The following PTCH1 variants were observed in gnomAD, a reference collection of about 807,000 sequenced individuals.
The protein encoded by PTCH1 is protein patched homolog 1.
Under a neutral mutation model 144.6 loss-of-function variants are expected in PTCH1, and 14 were observed. The observed-to-expected ratio is 0.10, with a 90% CI of 0.06 to 0.15. The LOEUF is 0.15. PTCH1 is among the 10% of genes least tolerant of loss of function. The pLI, the probability that PTCH1 is intolerant of heterozygous loss-of-function variation, is 1.00. For synonymous variants in PTCH1, 833 were observed against 793.6 expected (o/e 1.05, Z -0.83); for missense variants, 1,623 against 1,948.3 (o/e 0.83, Z 3.14).
chr9:95,459,565 T>TA, intron 17 of PTCH1, 35 bp downstream of exon 17: 1 of 1,611,686 alleles, frequency 6.2e-7, no homozygotes, highest in Non-Finnish European at 8.5e-7. Flanking sequence ...GGCACCTCTG[T>TA]AAGTTCCCAG....
At chr9:95,495,976 G>T (rs562447465) in intron 2 of PTCH1, among the ~76,000 whole-genome samples, 1 of 152,194 alleles carries the variant, frequency 6.6e-6, no homozygotes, top group East Asian at 1.9e-4. Flanking sequence ...AGTCCCTCTT[G>T]CACAGAACTG....
chr9:95,473,411 C>A (rs1049972159), intron 12 of PTCH1, among the ~76,000 whole-genome samples: 1 of 152,020 alleles, frequency 6.6e-6, no homozygotes, highest in African/African-American at 2.4e-5. Context: ...TACTGTTCAT[C>A]AATGGAAAGA....
chr9:95,453,293 G>A (rs775947636), intron 20 of PTCH1, 185 bp downstream of exon 20: 145 of 789,726 alleles, frequency 1.8e-4, no homozygotes, highest in African/African-American at 9.1e-4. Flanking sequence ...CACCACGCCC[G>A]GCTAATTTTT....
chr9:95,456,038 C>A (rs951980106), intron 19 of PTCH1, among the ~76,000 whole-genome samples: 13 of 152,202 alleles, frequency 8.5e-5, no homozygotes, highest in African/African-American at 3.1e-4. Flanking sequence ...CACACCAACC[C>A]TGCACTGCCT....
chr9:95,468,072 T>C (rs558340771), intron 14 of PTCH1, among the ~76,000 whole-genome samples: 65 of 151,980 alleles, frequency 4.3e-4, no homozygotes, highest in Middle Eastern at 3.4e-3. Context: ...ATGCCTTTTT[T>C]CCCCCTCTCT....
At chr9:95,510,814 T>A (rs2118932686), upstream of PTCH1, among the ~76,000 whole-genome samples, 1 of 150,656 alleles carries the variant, frequency 6.6e-6, no homozygotes, top group East Asian at 2.0e-4. Context: ...AAGGCGGAGC[T>A]CCGGTGGCCA....
chr9:95,459,277 C>A (rs1337393821), intron 17 of PTCH1, among the ~76,000 whole-genome samples: 1 of 152,176 alleles, frequency 6.6e-6, no homozygotes, highest in Non-Finnish European at 1.5e-5. Context: ...TAAAACTCTG[C>A]AATAGTAAAA....
intron 2 of PTCH1, among the ~76,000 whole-genome samples, chr9:95,498,089 A>G (rs1053455118): frequency 6.6e-6 from 1 of 152,234 alleles, no homozygotes; most frequent in African/African-American, 2.4e-5. Context: ...AATCATGCAC[A>G]TTGACTTAAC....
Position 95,454,097 on chromosome 9 carries a change from T to C in PTCH1, c.3307-477A>G, listed in dbSNP as rs567486625. On this transcript the variant is annotated intron_variant, in intron 19 of 23. Transcript: ENST00000331920. ...CTTCTGTCACTGTTTCAGGCTATGTTTGTAGTACATCTAAGCACTATGAGT... is the reference window on the plus strand; with the variant it reads ...CTTCTGTCACTGTTTCAGGCTATGTCTGTAGTACATCTAAGCACTATGAGT... 5.3e-5 allele frequency among the ~76,000 whole-genome samples: 8 copies of C among 152,350 alleles called. No homozygotes were observed. The South Asian group carries it at 1.0e-3, about 20-fold the overall frequency.
At chr9:95,506,321 G>T in intron 2 of PTCH1, 86 bp downstream of exon 2, 2 of 1,457,922 alleles carry the variant, frequency 1.4e-6, no homozygotes, top group Non-Finnish European at 1.9e-6. Context: ...CCGCAGCCAG[G>T]CTCTAGGTGT....
At chr9:95,466,000 T>C (rs763296307) in intron 15 of PTCH1, among the ~76,000 whole-genome samples, 21 of 152,216 alleles carry the variant, frequency 1.4e-4, no homozygotes, top group Non-Finnish European at 2.4e-4. Context: ...TGATGAATAT[T>C]TCCTAGAAAC....
At chr9:95,502,331 CCT>C (rs1434864739) in intron 2 of PTCH1, among the ~76,000 whole-genome samples, 1 of 152,314 alleles carries the variant, frequency 6.6e-6, no homozygotes, top group East Asian at 1.9e-4. Flanking sequence ...ATGGAGTTCC[CCT>C]GAGGGCAGAG....
chr9:95,477,978 G>A, intron 9 of PTCH1, 77 bp downstream of exon 9: 3 of 1,602,864 alleles, frequency 1.9e-6, no homozygotes, highest in South Asian at 2.2e-5. Context: ...TTAAGAAGCA[G>A]GAGCAGTCAT....
At position 95,509,206 on chromosome 9, in the gene PTCH1, G is replaced by T. The variant is rs1017800283; in HGVS notation, c.-845C>A. Among the ~76,000 whole-genome samples, 1 of 135,358 alleles carries T rather than the reference G, an allele frequency of 7.4e-6. No homozygotes were observed. Among genetic ancestry groups the T allele is most frequent in the Non-Finnish European group, 1.5e-5 (1 of 64,994 alleles). 88.8% of individuals were successfully genotyped at this position (135,358 alleles called of 152,430 possible). The stretch of plus-strand genomic sequence containing the variant: ...CCTTGATTCAATAGATGAGATGGAA[G>T]AAGAAAAAAAAGAACTCTCTCCATT... On this transcript the variant is annotated 5_prime_UTR_variant, in exon 1 of 24. Transcript: ENST00000331920.
rs777207639 is a variant in PTCH1 at position 95,508,207 on chromosome 9, C to T, written c.155G>A (p.Arg52Gln). Residue 52 changes from arginine (R) to glutamine (Q), a missense_variant, in exon 1 of 24, where the codon CGG becomes CAG. Coordinates refer to ENST00000331920, the MANE Select transcript of PTCH1 (RefSeq NM_000264.5). ...AAAPDRDYLH[R>Q]PSYCDAAFAL... is the part of the protein sequence containing the mutation. ...GAAGGCGGCGTCGCAGTAGCTGGGC[C>T]GGTGCAGATAGTCCCGGTCCGGCGC... 21 of 1,612,194 alleles carry T rather than the reference C, an allele frequency of 1.3e-5. No individual in the cohort carries two copies. The highest frequency in any genetic ancestry group is 1.7e-5 in the Non-Finnish European group (20 of 1,179,714).
chr9:95,472,593 G>C (rs1229184684), intron 12 of PTCH1, among the ~76,000 whole-genome samples: 1 of 152,210 alleles, frequency 6.6e-6, no homozygotes, highest in Admixed American at 6.5e-5. Flanking sequence ...TTGGACAGGT[G>C]TTCATGAGGA....
chr9:95,512,575 A>G (rs1844209610), upstream of PTCH1, among the ~76,000 whole-genome samples: 1 of 152,196 alleles, frequency 6.6e-6, no homozygotes, highest in South Asian at 2.1e-4. Context: ...CGAGTGCGAC[A>G]TTCCCAGCGA....
At position 95,449,477 on chromosome 9, in the gene PTCH1, G is replaced by C; in HGVS notation, c.3550-154C>G. The C allele has an allele frequency of 4.6e-6, 5 of 1,096,334 alleles. 1 individual carries two copies. In the South Asian group the frequency reaches 7.0e-5, roughly 15 times the overall value. 67.9% of individuals were successfully genotyped at this position (1,096,334 alleles called of 1,614,324 possible). On this transcript the variant is annotated intron_variant, in intron 21 of 23. Coordinates refer to ENST00000331920, the MANE Select transcript of PTCH1 (RefSeq NM_000264.5). This position sits in a 1 kb window ranked among gnomAD's most constrained non-coding sequence, Gnocchi z 5.3. ...TTAACCTCCCCTTCTCTACCACCTGGAGGACCTTCAGGTCCCGCAGCTGGA... is the reference window on the plus strand; with the variant it reads ...TTAACCTCCCCTTCTCTACCACCTGCAGGACCTTCAGGTCCCGCAGCTGGA...
At chr9:95,514,590 T>C (rs561690652) in intron 1 of PTCH1, 1 of 152,076 alleles carries the variant, frequency 6.6e-6, no homozygotes, top group South Asian at 2.1e-4. Flanking sequence ...TAGGGCATTA[T>C]ACACTGTGGC....
Sources: allele counts gnomAD v4.1 joint callset (sites outside exome capture counted in the v4.1 genomes callset), GRCh38; gene constraint gnomAD v4.1.1; non-coding constraint Gnocchi (gnomAD v3.1); transcripts MANE v1.5; gene names NCBI Gene and HGNC (gene_info 2026-07-23, HGNC 2026-07-21).